Variants in CNNM2 observed in about 807,000 individuals in gnomAD.
CNNM2 encodes metal transporter CNNM2.
In CNNM2, 12 loss-of-function variants were observed where a neutral mutation model predicts 66.9. The observed-to-expected ratio is 0.18, with a 90% CI of 0.11 to 0.29. The LOEUF (loss-of-function observed/expected upper bound fraction) is 0.29, where lower values mean the gene tolerates loss of function less well. CNNM2 is among the 10% of genes least tolerant of loss of function. CNNM2 has a pLI of 1.00. For synonymous variants in CNNM2, 557 were observed against 501.8 expected (o/e 1.11, Z -1.47); for missense variants, 705 against 1,167.7 (o/e 0.60, Z 5.77).
chr10:103,033,966 A>G lies in CNNM2; in HGVS notation c.1622-15741A>G, dbSNP rs7091889. Among the ~76,000 whole-genome samples, 30,822 of 152,046 alleles carry G rather than the reference A, an allele frequency of 0.2. 3,252 individuals are homozygous for G. Among genetic ancestry groups the G allele is most frequent in the Non-Finnish European group, 0.22 (14,985 of 67,968 alleles). On this transcript the variant is annotated intron_variant, in intron 1 of 7. Transcript: ENST00000369878. ...GGACAGGAAGCAAAAGTAAAATGCT[A>G]GGATTTTAGGACAATGAGGAAGACC...
chr10:102,999,131 C>G (rs186725207), intron 1 of CNNM2, among the ~76,000 whole-genome samples: 2 of 150,356 alleles, frequency 1.3e-5, no homozygotes, highest in Non-Finnish European at 3.0e-5. Flanking sequence ...AGTGTAGTGG[C>G]GCGATCTTGG....
Position 102,919,085 on chromosome 10 carries a change from C to T in CNNM2, c.605C>T (p.Ala202Val). The change falls in exon 1 of 8, where the codon GCC becomes GTC. Residue 202 changes from alanine to valine, a missense_variant. This residue lies in a region of CNNM2 where 100 missense variants were observed against 151.9 expected (regional missense o/e 0.66). Transcript: ENST00000369878. The stretch of plus-strand genomic sequence containing the variant: ...TCGCTCTCCACGCCCGCCCTGGGCG[C>T]CGGCGGCTCGGGGTCCACGGGTGGC... ...CTSLSTPALG[A>V]GGSGSTGGAV... is the part of the protein sequence containing the mutation. 2 of 1,611,976 alleles carry T rather than the reference C, an allele frequency of 1.2e-6. No individual in the cohort carries two copies. Among genetic ancestry groups the T allele is most frequent in the Non-Finnish European group, 1.7e-6 (2 of 1,179,378 alleles).
chr10:102,983,952 A>C (rs1289503430), intron 1 of CNNM2, among the ~76,000 whole-genome samples: 1 of 150,312 alleles, frequency 6.7e-6, no homozygotes, highest in Non-Finnish European at 1.5e-5. Context: ...TTTAGTAGAG[A>C]TGGGGTTTGA....
At chr10:103,038,107 AG>A (rs1461096922) in intron 1 of CNNM2, among the ~76,000 whole-genome samples, 1 of 152,112 alleles carries the variant, frequency 6.6e-6, no homozygotes, top group Non-Finnish European at 1.5e-5. Context: ...CCCAAAGTGC[AG>A]GGATTACAGG....
intron 1 of CNNM2, among the ~76,000 whole-genome samples, chr10:102,933,002 A>T (rs575481883): frequency 6.6e-6 from 1 of 151,314 alleles, no homozygotes; most frequent in Admixed American, 6.6e-5. Flanking sequence ...CTTTAATTTT[A>T]TGTCAGTACT....
intron 1 of CNNM2, among the ~76,000 whole-genome samples, chr10:103,013,802 G>A (rs984873839): frequency 2.6e-5 from 4 of 152,302 alleles, no homozygotes; most frequent in African/African-American, 9.6e-5. Context: ...TCAGAAACAA[G>A]TTATGGTGAC....
chr10:103,068,854 A>G, intron 5 of CNNM2, 132 bp downstream of exon 5: 1 of 650,828 alleles, frequency 1.5e-6, no homozygotes, highest in Non-Finnish European at 2.7e-6. Flanking sequence ...TTTGAAGTAT[A>G]TCATATATGC....
intron 1 of CNNM2, among the ~76,000 whole-genome samples, chr10:103,029,403 G>T (rs1465735465): frequency 6.6e-6 from 1 of 151,982 alleles, no homozygotes; most frequent in African/African-American, 2.4e-5. Context: ...GGCAGAGGTT[G>T]CAGTGAGCTG....
chr10:102,947,796 A>G lies in CNNM2; in HGVS notation c.1621+27695A>G, dbSNP rs187808586. ...GCCAGGCGCGGTGGCTCATGCCTGTAATCCTAGCACTTTGGGAGGCCAAGG... is the reference window on the plus strand; with the variant it reads ...GCCAGGCGCGGTGGCTCATGCCTGTGATCCTAGCACTTTGGGAGGCCAAGG... On this transcript the variant is annotated intron_variant, in intron 1 of 7. Coordinates refer to ENST00000369878, the MANE Select transcript of CNNM2 (RefSeq NM_017649.5). Among the ~76,000 whole-genome samples the G allele has an allele frequency of 8.9e-4, 136 of 152,172 alleles. No individual in the cohort carries two copies. The highest frequency in any genetic ancestry group is 1.4e-3 in the Admixed American group (21 of 15,286).
At chr10:102,994,097 G>A (rs1415841005) in intron 1 of CNNM2, among the ~76,000 whole-genome samples, 2 of 151,928 alleles carry the variant, frequency 1.3e-5, no homozygotes, top group African/African-American at 2.4e-5. Flanking sequence ...CCACCACGCC[G>A]AGCTAATTTT....
At chr10:102,975,175 T>C (rs377533654) in intron 1 of CNNM2, among the ~76,000 whole-genome samples, 1 of 152,266 alleles carries the variant, frequency 6.6e-6, no homozygotes, top group East Asian at 1.9e-4. Flanking sequence ...GGTTGAACAA[T>C]CATTTGGCAG....
At chr10:102,929,762 A>T (rs1219542583) in intron 1 of CNNM2, among the ~76,000 whole-genome samples, 1 of 152,228 alleles carries the variant, frequency 6.6e-6, no homozygotes, top group African/African-American at 2.4e-5. Context: ...ATTGGTTATT[A>T]TGAATAATGC....
At chr10:102,997,680 T>C (rs985875042) in intron 1 of CNNM2, among the ~76,000 whole-genome samples, 2 of 152,146 alleles carry the variant, frequency 1.3e-5, no homozygotes, top group Non-Finnish European at 2.9e-5. Flanking sequence ...ACCCAAATAA[T>C]ATAAAGTTAC....
In CNNM2 at chr10:102,919,986, C is replaced by T. The variant is rs1399748420; in HGVS notation, c.1506C>T (p.Phe502=). ...TGCTGTTTGTCAAAGACTTGGCCTT[C>T]GTGGATCCCGATGACTGTACCCCCC... ...VDLLFVKDLA[F]VDPDDCTPLK... The change falls in exon 1 of 8, where the codon TTC becomes TTT. Residue 502 remains phenylalanine, a synonymous_variant. Transcript: ENST00000369878. 2 of 1,614,220 alleles carry T rather than the reference C, an allele frequency of 1.2e-6. No homozygotes were observed. The highest frequency in any genetic ancestry group is 1.3e-5 in the African/African-American group (1 of 75,064).
rs2063721729 is a variant in CNNM2 at position 102,981,604 on chromosome 10, G to T, written c.1621+61503G>T. ...AGTCAAGGTTCGCCATGTTGCCCAGGCTGGTTTTGAACTCCTGAGCTCAAG... is the reference window on the plus strand; with the variant it reads ...AGTCAAGGTTCGCCATGTTGCCCAGTCTGGTTTTGAACTCCTGAGCTCAAG... On this transcript the variant is annotated intron_variant, in intron 1 of 7. Coordinates refer to ENST00000369878, the MANE Select transcript of CNNM2 (RefSeq NM_017649.5). Among the ~76,000 whole-genome samples, 7 of 151,736 alleles carry T rather than the reference G, an allele frequency of 4.6e-5. No individual in the cohort carries two copies. The South Asian group carries it at 1.5e-3, about 32-fold the overall frequency.
At chr10:102,987,976 G>C (rs2063827400) in intron 1 of CNNM2, among the ~76,000 whole-genome samples, 1 of 152,182 alleles carries the variant, frequency 6.6e-6, no homozygotes, top group Non-Finnish European at 1.5e-5. Flanking sequence ...TTAATCAGCT[G>C]TATGCACCAC....
chr10:102,995,161 CT>C (rs2063968852), intron 1 of CNNM2, among the ~76,000 whole-genome samples: 2 of 143,356 alleles, frequency 1.4e-5, no homozygotes, highest in African/African-American at 2.6e-5. Context: ...CCCCCTCTTC[CT>C]CCTCCTCCCC....
chr10:102,976,872 ATGTT>A (rs2063643144), intron 1 of CNNM2, among the ~76,000 whole-genome samples: 1 of 151,970 alleles, frequency 6.6e-6, no homozygotes, highest in African/African-American at 2.4e-5. Context: ...GGTTTAATAA[ATGTT>A]TGTTGAATGA....
At chr10:102,932,743 C>A (rs1287319253) in intron 1 of CNNM2, among the ~76,000 whole-genome samples, 1 of 151,930 alleles carries the variant, frequency 6.6e-6, no homozygotes. Flanking sequence ...CATGGTGAAA[C>A]CCCGTCTCTA....
Sources: gnomAD v4.1 joint callset for allele counts (sites outside exome capture counted in the v4.1 genomes callset) on GRCh38, gnomAD v4.1.1 for gene constraint, gnomAD v4.1.1 regional missense constraint, MANE v1.5 for transcripts, NCBI Gene and HGNC (gene_info 2026-07-23, HGNC 2026-07-21) for gene names.